The following SLC9A9 variants were observed in gnomAD, a reference collection of about 807,000 sequenced individuals.
SLC9A9 encodes solute carrier family 9 member A9, also known as sodium/hydrogen exchanger 9.
Under a neutral mutation model 77.8 loss-of-function variants are expected in SLC9A9, and 62 were observed. That is an observed-to-expected ratio of 0.80 (90% CI 0.65 to 0.98). SLC9A9 has a LOEUF of 0.98. Among genes scored for constraint, SLC9A9 ranks in the 50% least tolerant of loss-of-function variants. The pLI is 0.00. For missense variants in SLC9A9, 775 were observed against 774.9 expected, an observed-to-expected ratio of 1.00 and a Z score of 0.00; for synonymous variants, 320 against 283.5, an observed-to-expected ratio of 1.13 and a Z score of -1.29.
chr3:143,482,994 G>A (rs1001328527), intron 11 of SLC9A9, among the ~76,000 whole-genome samples: 1 of 152,202 alleles, frequency 6.6e-6, no homozygotes, highest in Non-Finnish European at 1.5e-5. Context: ...TAGCAGAGCA[G>A]TTATGACCTC....
chr3:143,699,476 G>A (rs148792596), intron 4 of SLC9A9, among the ~76,000 whole-genome samples: 21 of 152,298 alleles, frequency 1.4e-4, no homozygotes, highest in Non-Finnish European at 2.6e-4. Context: ...TCTCCTGGCA[G>A]CAGCAGTGTA....
intron 4 of SLC9A9, among the ~76,000 whole-genome samples, chr3:143,698,769 G>A (rs1933712578): frequency 6.6e-6 from 1 of 152,096 alleles, no homozygotes; most frequent in Admixed American, 6.5e-5. Flanking sequence ...TTTTTGAATT[G>A]TTAGGGATAA....
At chr3:143,686,101 G>A (rs772644127) in intron 5 of SLC9A9, among the ~76,000 whole-genome samples, 4 of 152,100 alleles carry the variant, frequency 2.6e-5, no homozygotes, top group Admixed American at 1.3e-4. Flanking sequence ...CCTCATCCGC[G>A]AGGGTGACCT....
At chr3:143,474,398 A>G (rs2035431985) in intron 11 of SLC9A9, among the ~76,000 whole-genome samples, 1 of 152,164 alleles carries the variant, frequency 6.6e-6, no homozygotes, top group African/African-American at 2.4e-5. Context: ...TGACTCTGAT[A>G]GGAAAACAGG....
chr3:143,392,380 G>T (rs893120302), intron 12 of SLC9A9, among the ~76,000 whole-genome samples: 11 of 152,028 alleles, frequency 7.2e-5, no homozygotes. Context: ...AAATAAAATC[G>T]TTTACAGACA....
chr3:143,735,559 T>C (rs927459689), intron 4 of SLC9A9, among the ~76,000 whole-genome samples: 5 of 152,180 alleles, frequency 3.3e-5, no homozygotes, highest in African/African-American at 1.2e-4. Context: ...CAGGAACTGC[T>C]GAATGAATGA....
At chr3:143,714,462 G>C (rs1229989547) in intron 4 of SLC9A9, among the ~76,000 whole-genome samples, 1 of 152,130 alleles carries the variant, frequency 6.6e-6, no homozygotes, top group Non-Finnish European at 1.5e-5. Context: ...GCATTATCGA[G>C]TCCAGTCTAA....
At chr3:143,733,970 G>A (rs1934875132) in intron 4 of SLC9A9, among the ~76,000 whole-genome samples, 1 of 152,170 alleles carries the variant, frequency 6.6e-6, no homozygotes, top group Admixed American at 6.5e-5. Context: ...ACCAAGGTAG[G>A]AGGATTGCTT....
At position 143,795,040 on chromosome 3, in the gene SLC9A9, T is replaced by G. The variant is rs777450129; in HGVS notation, c.494A>C (p.Tyr165Ser). 2 of 1,613,852 alleles carry G rather than the reference T, an allele frequency of 1.2e-6. No individual in the cohort carries two copies. Among genetic ancestry groups the G allele is most frequent in the East Asian group, 4.5e-5 (2 of 44,866 alleles). Reference sequence around the variant, plus strand: ...GGAGATGGCAGTTCCCAAGAAGGCATACGTTAAAATAGATCCTAAGTTTTG... The same window carrying G: ...GGAGATGGCAGTTCCCAAGAAGGCAGACGTTAAAATAGATCCTAAGTTTTG... ...FFQNLGSILT[Y>S]AFLGTAISCI... Residue 165 changes from tyrosine to serine, a missense_variant, in exon 4 of 16, where the codon TAT becomes TCT. Coordinates refer to ENST00000316549, the MANE Select transcript of SLC9A9 (RefSeq NM_173653.4).
chr3:143,672,289 G>C (rs2039169056), intron 5 of SLC9A9, among the ~76,000 whole-genome samples: 1 of 151,952 alleles, frequency 6.6e-6, no homozygotes, highest in Non-Finnish European at 1.5e-5. Flanking sequence ...TGTAATATAG[G>C]CTAAAACTAA....
At chr3:143,540,882 A>T (rs1461611739) in intron 9 of SLC9A9, among the ~76,000 whole-genome samples, 3 of 152,218 alleles carry the variant, frequency 2.0e-5, no homozygotes, top group Admixed American at 6.5e-5. Flanking sequence ...GTTGATACTA[A>T]ATTTTTTAAA....
intron 5 of SLC9A9, among the ~76,000 whole-genome samples, chr3:143,660,733 T>C (rs2038965647): frequency 6.6e-6 from 1 of 152,204 alleles, no homozygotes. Flanking sequence ...GGTTTTTCAA[T>C]ATATGAGTTA....
At chr3:143,759,642 A>G (rs1019443349) in intron 4 of SLC9A9, among the ~76,000 whole-genome samples, 4 of 151,922 alleles carry the variant, frequency 2.6e-5, no homozygotes, top group African/African-American at 9.7e-5. Flanking sequence ...TATCCTCATA[A>G]GAAATACCCC....
chr3:143,693,092 A>G, intron 5 of SLC9A9, 100 bp downstream of exon 5: 1 of 875,976 alleles, frequency 1.1e-6, no homozygotes, highest in East Asian at 2.7e-5. Context: ...AGAAAAATAG[A>G]AATTATTATT....
chr3:143,559,106 C>T lies in SLC9A9; in HGVS notation c.1001-6656G>A, dbSNP rs115584888. Among the ~76,000 whole-genome samples the T allele has an allele frequency of 2.0e-3, 308 of 152,252 alleles. 1 individual carries two copies. Among genetic ancestry groups the T allele is most frequent in the Non-Finnish European group, 3.5e-3 (240 of 68,018 alleles). On this transcript the variant is annotated intron_variant, in intron 8 of 15. Coordinates refer to ENST00000316549, the MANE Select transcript of SLC9A9 (RefSeq NM_173653.4). ...TGCCGCCCTGAGAAGAGGTGCCTTC[C>T]GCTATGATTGTAAGTTTCCTGAGGC...
At chr3:143,590,749 G>T (rs1400623366) in intron 6 of SLC9A9, among the ~76,000 whole-genome samples, 1 of 152,160 alleles carries the variant, frequency 6.6e-6, no homozygotes, top group Non-Finnish European at 1.5e-5. Context: ...AACAGAGGGT[G>T]TTTAATAAAG....
chr3:143,627,154 A>C (rs1423448080), intron 6 of SLC9A9: 1 of 152,414 alleles, frequency 6.6e-6, no homozygotes, highest in Non-Finnish European at 1.5e-5. Flanking sequence ...TACAAGCATG[A>C]GCCACCACGC....
At chr3:143,789,092 C>A (rs957205406) in intron 4 of SLC9A9, among the ~76,000 whole-genome samples, 1 of 152,132 alleles carries the variant, frequency 6.6e-6, no homozygotes, top group Non-Finnish European at 1.5e-5. Context: ...CTCAGCACAT[C>A]CACTGTTAGG....
chr3:143,836,223 C>T (rs1157095145), intron 1 of SLC9A9, among the ~76,000 whole-genome samples: 1 of 152,210 alleles, frequency 6.6e-6, no homozygotes, highest in Non-Finnish European at 1.5e-5. Flanking sequence ...ATTGTTTGAA[C>T]CACACACTTT....
Sources: gnomAD v4.1 joint callset for allele counts (sites outside exome capture counted in the v4.1 genomes callset) on GRCh38, gnomAD v4.1.1 for gene constraint, MANE v1.5 for transcripts, NCBI Gene and HGNC (gene_info 2026-07-23, HGNC 2026-07-21) for gene names.